Variants in ABCA9 observed in about 807,000 individuals in gnomAD.
ABCA9 encodes ATP binding cassette subfamily A member 9.
ABCA9 carries 183 observed loss-of-function variants against 205.3 expected under a neutral mutation model. That is an observed-to-expected ratio of 0.89 (90% CI 0.79 to 1.01). The LOEUF is 1.01. Ranked by LOEUF, ABCA9 falls within the 50% of genes least tolerant of loss-of-function variation. The pLI is 0.00. For synonymous variants in ABCA9, 651 were observed against 683.3 expected (o/e 0.95, Z 0.74); for missense variants, 1,805 against 1,912.4 (o/e 0.94, Z 1.05).
intron 16 of ABCA9, 134 bp downstream of exon 16, chr17:69,026,243 G>A: frequency 1.5e-6 from 1 of 656,356 alleles, no homozygotes; most frequent in South Asian, 2.3e-5. Flanking sequence ...AAGCAATTAT[G>A]CCTTAGTTCT....
chr17:69,001,219 C>T (rs1176715246), intron 25 of ABCA9, among the ~76,000 whole-genome samples: 1 of 152,018 alleles, frequency 6.6e-6, no homozygotes, highest in Non-Finnish European at 1.5e-5. Context: ...GGAATGCTTC[C>T]AGTTTTTGCC....
At chr17:68,988,396 C>CA (rs1401464236) in intron 31 of ABCA9, among the ~76,000 whole-genome samples, 1 of 151,892 alleles carries the variant, frequency 6.6e-6, no homozygotes, top group Non-Finnish European at 1.5e-5. Flanking sequence ...GATCTTTTAC[C>CA]ATTAGCCCAG....
intron 30 of ABCA9, 81 bp from the exon 31 acceptor site, chr17:68,989,199 C>G: frequency 2.4e-6 from 2 of 838,732 alleles, no homozygotes; most frequent in Non-Finnish European, 4.0e-6. Flanking sequence ...GGCTGTGTGT[C>G]AAGTGCTATG....
rs147415120 is a variant in ABCA9, at chr17:68,989,070, G to A, written c.4004C>T (p.Thr1335Ile). Reference protein sequence around the residue: ...LGHNGAGKSTTIKMITGDTKP... With the variant: ...LGHNGAGKSTIIKMITGDTKP... Reference sequence around the variant, plus strand: ...TGTGTCTCCAGTTATCATCTTAATAGTTGTACTTTTACCAGCTCCATTGTG... The same window carrying A: ...TGTGTCTCCAGTTATCATCTTAATAATTGTACTTTTACCAGCTCCATTGTG... The change falls in exon 31 of 39, where the codon ACT becomes ATT. Residue 1335 changes from threonine (T) to isoleucine (I), a missense_variant. Physicochemically the swap from Thr to Ile is moderately conservative, Grantham distance 89. Transcript: ENST00000340001. The A allele has an allele frequency of 6.2e-7, 1 of 1,613,310 alleles. No individual in the cohort carries two copies. Among genetic ancestry groups the A allele is most frequent in the African/African-American group, 1.3e-5 (1 of 74,868 alleles).
At chr17:68,984,273 A>G (rs2143966890) in intron 34 of ABCA9, 98 bp from the exon 35 acceptor site, 1 of 1,529,688 alleles carries the variant, frequency 6.5e-7, no homozygotes, top group Non-Finnish European at 8.8e-7. Context: ...TGAAACATGC[A>G]GCGAATTCAG....
chr17:69,004,077 C>T (rs142609747), intron 25 of ABCA9, among the ~76,000 whole-genome samples: 8,065 of 152,196 alleles, frequency 0.053, 717 homozygotes, highest in African/African-American at 0.18. Context: ...CTTCCCGTAG[C>T]TCAGAGTAAT....
chr17:69,020,509 A>C lies in ABCA9; in HGVS notation c.2479T>G (p.Ser827Ala). The C allele has an allele frequency of 6.2e-7, 1 of 1,614,140 alleles. No homozygotes were observed. The highest frequency in any genetic ancestry group is 8.5e-7 in the Non-Finnish European group (1 of 1,179,984). ...GSLVELEQVL[S>A]SFHETRKTIS... is the part of the protein sequence containing the mutation. ...GTTTTCCTTGTTTCGTGGAAGGAAG[A>C]CAAAACTTGTTCCAGCTCAACAAGG... The change falls in exon 19 of 39, where the codon TCT becomes GCT. Residue 827 changes from serine (S) to alanine (A), a missense_variant. By Grantham distance (99) the Ser-to-Ala change is moderately conservative. Coordinates refer to ENST00000340001, the MANE Select transcript of ABCA9 (RefSeq NM_080283.4).
intron 23 of ABCA9, among the ~76,000 whole-genome samples, chr17:69,009,040 G>A (rs557813344): frequency 3.9e-5 from 6 of 152,200 alleles, no homozygotes; most frequent in African/African-American, 9.6e-5. Context: ...AGTGAGGACC[G>A]TTAGAGAGCT....
At chr17:69,062,568 T>C (rs377304943), upstream of ABCA9, among the ~76,000 whole-genome samples, 2 of 152,162 alleles carry the variant, frequency 1.3e-5, no homozygotes, top group East Asian at 3.9e-4. Context: ...TGGAGTGCAG[T>C]GGCACAATCT....
chr17:69,034,978 A>C, intron 8 of ABCA9: 1 of 265,352 alleles, frequency 3.8e-6, no homozygotes, highest in Non-Finnish European at 7.0e-6. Flanking sequence ...ATGTTTCCTG[A>C]GCACTGAATG....
rs771076103 is a variant in ABCA9, at chr17:69,040,391, C to A, written c.800+3098G>T. On this transcript the variant is annotated intron_variant, in intron 6 of 38. Coordinates refer to ENST00000340001, the MANE Select transcript of ABCA9 (RefSeq NM_080283.4). The stretch of plus-strand genomic sequence containing the variant: ...ATGCAGCCATAAAAAAGAATGAGTT[C>A]ATGTCAATTGCAGAGACATGCATGA... Among the ~76,000 whole-genome samples the A allele has an allele frequency of 7.2e-5, 11 of 152,278 alleles. 1 individual carries two copies. The highest frequency in any genetic ancestry group is 1.3e-4 in the Non-Finnish European group (9 of 68,022).
upstream of ABCA9, among the ~76,000 whole-genome samples, chr17:69,063,174 T>C (rs551096357): frequency 3.6e-5 from 4 of 111,080 alleles, no homozygotes; most frequent in Admixed American, 3.7e-4. Context: ...CTCATTTGCA[T>C]ATATCTCTGT....
chr17:68,991,765 T>C (rs905115565), intron 28 of ABCA9, among the ~76,000 whole-genome samples: 1 of 152,188 alleles, frequency 6.6e-6, no homozygotes, highest in African/African-American at 2.4e-5. Context: ...CACTTTCATT[T>C]TTCATCATCC....
At chr17:69,052,426 A>G (rs1233644759) in intron 1 of ABCA9, among the ~76,000 whole-genome samples, 1 of 152,098 alleles carries the variant, frequency 6.6e-6, no homozygotes, top group East Asian at 1.9e-4. Flanking sequence ...AAAAGAAAAA[A>G]CAGTATAAGG....
Position 69,035,810 on chromosome 17 carries a change from G to C in ABCA9, c.801-9C>G, listed in dbSNP as rs1358186023. 1 of 1,606,320 alleles carries C rather than the reference G, an allele frequency of 6.2e-7. No individual in the cohort carries two copies. The highest frequency in any genetic ancestry group is 8.5e-7 in the Non-Finnish European group (1 of 1,176,374). On this transcript the variant is annotated splice_polypyrimidine_tract_variant and intron_variant, in intron 6 of 38. Coordinates refer to ENST00000340001, the MANE Select transcript of ABCA9 (RefSeq NM_080283.4). Reference sequence around the variant, plus strand: ...TCAAACCCCAGGAAAGCCTAGCAGAGAAACAAAGCCGTCAGTTAGAATGTT... The same window carrying C: ...TCAAACCCCAGGAAAGCCTAGCAGACAAACAAAGCCGTCAGTTAGAATGTT...
Position 69,026,609 on chromosome 17 carries a change from C to CT in ABCA9, c.2051-143dup, listed in dbSNP as rs538855642. On this transcript the variant is annotated intron_variant, in intron 15 of 38. Transcript: ENST00000340001. ...TCTAATTCTGGCCATACGTAAACCACTTTTTTTTGTCATCCAACAGCTCGA... is the reference window on the plus strand; with the variant it reads ...TCTAATTCTGGCCATACGTAAACCACTTTTTTTTTGTCATCCAACAGCTCGA... 128 of 722,556 alleles carry CT rather than the reference C, an allele frequency of 1.8e-4. 1 individual carries two copies. The highest frequency in any genetic ancestry group is 2.3e-4 in the Non-Finnish European group (104 of 445,934). The allele number at this position is 722,556 out of a possible 1,614,324, so 44.8% of individuals were successfully genotyped here.
chr17:69,032,790 A>T (rs2071197362), intron 9 of ABCA9: 1 of 152,286 alleles, frequency 6.6e-6, no homozygotes, highest in Admixed American at 6.5e-5. Flanking sequence ...CTAATGATAC[A>T]TTCCAAAATT....
rs2070708864 is a variant in ABCA9, at chr17:69,018,435, A to G, written c.2745T>C (p.His915=). 1 of 1,590,938 alleles carries G rather than the reference A, an allele frequency of 6.3e-7. No homozygotes were observed. Among genetic ancestry groups the G allele is most frequent in the Non-Finnish European group, 8.5e-7 (1 of 1,172,682 alleles). Residue 915 remains histidine (H), a synonymous_variant, in exon 20 of 39, where the codon CAT becomes CAC. Coordinates refer to ENST00000340001, the MANE Select transcript of ABCA9 (RefSeq NM_080283.4). ...CACCTGTCTTATTGATGACCAGTAA[A>G]TGGGTCAGAGGATCCTGTGGTTGTT... The part of the protein sequence containing the change: ...PGQQPQDPLT[H]LLVINKTGST...
chr17:69,048,647 T>G (rs1738598813), intron 3 of ABCA9, among the ~76,000 whole-genome samples: 1 of 152,232 alleles, frequency 6.6e-6, no homozygotes, highest in South Asian at 2.1e-4. Flanking sequence ...ATTTAACAGC[T>G]TCAATAGCAT....
Sources: gnomAD v4.1 joint callset for allele counts (sites outside exome capture counted in the v4.1 genomes callset) on GRCh38, gnomAD v4.1.1 for gene constraint, MANE v1.5 for transcripts, NCBI Gene and HGNC (gene_info 2026-07-23, HGNC 2026-07-21) for gene names.